Variants in DGKB observed in about 807,000 individuals in gnomAD.
The protein encoded by DGKB is 90 kDa diacylglycerol kinase.
A neutral mutation model predicts 114.3 loss-of-function variants in DGKB; 67 were observed. The observed-to-expected ratio is 0.59, with a 90% confidence interval of 0.48 to 0.72. The LOEUF (loss-of-function observed/expected upper bound fraction) is 0.72. Ranked by LOEUF, DGKB falls within the 30% of genes least tolerant of loss-of-function variation. The probability of loss-of-function intolerance (pLI) is 0.00; values close to 1 mark genes in which losing one functional copy is unlikely to be tolerated. For synonymous variants in DGKB, 398 were observed against 323.1 expected (o/e 1.23, Z -2.49); for missense variants, 907 against 975.2 (o/e 0.93, Z 0.93).
chr7:14,233,777 G>A lies in DGKB; in HGVS notation c.2123-55626C>T, dbSNP rs181325553. On this transcript the variant is annotated intron_variant, in intron 23 of 25. Transcript: ENST00000402815. The stretch of plus-strand genomic sequence containing the variant: ...GAAACCAGAGTCCAGGGAGTGTGTG[G>A]GGGGTGCAACCACAGGTCGAAGAAG... Among the ~76,000 whole-genome samples the A allele has an allele frequency of 8.6e-5, 13 of 151,980 alleles. No homozygotes were observed. In the East Asian group the frequency reaches 2.6e-3, roughly 30 times the overall value.
chr7:14,577,725 G>A (rs1489418962), intron 19 of DGKB, among the ~76,000 whole-genome samples: 2 of 152,110 alleles, frequency 1.3e-5, no homozygotes, highest in Non-Finnish European at 2.9e-5. Context: ...ATGATTGCCA[G>A]AAATTTACAA....
chr7:14,556,497 G>A (rs984430938), intron 20 of DGKB, among the ~76,000 whole-genome samples: 3 of 152,054 alleles, frequency 2.0e-5, no homozygotes, highest in African/African-American at 7.2e-5. Flanking sequence ...CATAGTGAGA[G>A]AAGAATTATG....
rs1818765029 is a variant in DGKB, at chr7:14,670,365, C to G, written c.1134+2564G>C. On this transcript the variant is annotated intron_variant, in intron 13 of 25. Coordinates refer to ENST00000402815, the MANE Select transcript of DGKB (RefSeq NM_001350709.2). The stretch of plus-strand genomic sequence containing the variant: ...TCACTCAGTCTGGAGTGCAGTGATG[C>G]AATCTTGGCTCACTGCAACCTCCGC... 2.0e-5 allele frequency among the ~76,000 whole-genome samples: 3 copies of G among 151,584 alleles called. No individual in the cohort carries two copies. The South Asian group carries it at 6.2e-4, about 32-fold the overall frequency.
intron 12 of DGKB, among the ~76,000 whole-genome samples, chr7:14,677,745 A>G (rs1820120409): frequency 6.6e-6 from 1 of 152,058 alleles, no homozygotes; most frequent in Non-Finnish European, 1.5e-5. Flanking sequence ...GTTAGTAATC[A>G]AGACAGAAAA....
chr7:14,486,427 T>C (rs1222098959), intron 20 of DGKB, among the ~76,000 whole-genome samples: 2 of 152,220 alleles, frequency 1.3e-5, no homozygotes, highest in African/African-American at 4.8e-5. Context: ...AGGGACAATG[T>C]GAGGAGCTAG....
At chr7:14,629,764 G>A (rs1809342790) in intron 14 of DGKB, among the ~76,000 whole-genome samples, 1 of 152,038 alleles carries the variant, frequency 6.6e-6, no homozygotes, top group Non-Finnish European at 1.5e-5. Flanking sequence ...CAATGGCATG[G>A]GCTAGGTGAT....
At chr7:14,725,532 T>G (rs997433714) in intron 5 of DGKB, among the ~76,000 whole-genome samples, 1 of 151,948 alleles carries the variant, frequency 6.6e-6, no homozygotes, top group Non-Finnish European at 1.5e-5. Context: ...ATGTATAATA[T>G]CTTTAAAACA....
intron 21 of DGKB, among the ~76,000 whole-genome samples, chr7:14,383,061 C>G (rs1819746474): frequency 6.6e-6 from 1 of 152,162 alleles, no homozygotes; most frequent in African/African-American, 2.4e-5. Flanking sequence ...TTCTCCTTTT[C>G]TTTTGGAGTA....
chr7:14,447,211 G>C (rs1026735453), intron 21 of DGKB, among the ~76,000 whole-genome samples: 4 of 150,784 alleles, frequency 2.7e-5, no homozygotes, highest in African/African-American at 9.7e-5. Flanking sequence ...CCTTGTTTTT[G>C]CCACATGAAA....
At chr7:14,194,384 G>C (rs13236331) in intron 23 of DGKB, among the ~76,000 whole-genome samples, 26,536 of 152,088 alleles carry the variant, frequency 0.17, 2,496 homozygotes, top group Non-Finnish European at 0.2. Flanking sequence ...ATAAAATCCT[G>C]TCATTTGTGA....
At chr7:14,642,885 T>A (rs1812083779) in intron 13 of DGKB, among the ~76,000 whole-genome samples, 2 of 152,220 alleles carry the variant, frequency 1.3e-5, no homozygotes, top group South Asian at 4.1e-4. Context: ...ATAATACTCT[T>A]TGTTTTAAGT....
chr7:14,243,998 A>G (rs1208995733), intron 23 of DGKB, among the ~76,000 whole-genome samples: 4 of 151,986 alleles, frequency 2.6e-5, no homozygotes, highest in African/African-American at 9.7e-5. Context: ...TTTTCCTTCT[A>G]TGAAATACAG....
At chr7:14,459,194 C>T (rs1233707934) in intron 21 of DGKB, among the ~76,000 whole-genome samples, 1 of 152,102 alleles carries the variant, frequency 6.6e-6, no homozygotes, top group Non-Finnish European at 1.5e-5. Flanking sequence ...AGAAAGGCAG[C>T]AGCCCTAGTC....
Position 14,760,383 on chromosome 7 carries a change from T to C in DGKB, c.71-2652A>G, listed in dbSNP as rs927394360. ...ATTGAGATTAAATTAATCAGAGCTA[T>C]TCCTAAATGGCAAAAAATTACAATA... On this transcript the variant is annotated intron_variant, in intron 2 of 25. Transcript: ENST00000402815. Among the ~76,000 whole-genome samples, 9 of 152,122 alleles carry C rather than the reference T, an allele frequency of 5.9e-5. No homozygotes were observed. The South Asian group carries it at 1.2e-3, about 21-fold the overall frequency.
intron 12 of DGKB, 121 bp from the exon 13 acceptor site, chr7:14,673,148 A>T: frequency 6.6e-6 from 4 of 603,966 alleles, no homozygotes; most frequent in Non-Finnish European, 1.2e-5. Context: ...AATTATAAGA[A>T]CAAATAAACA....
At chr7:14,291,797 T>C (rs17168050) in intron 23 of DGKB, among the ~76,000 whole-genome samples, 10,197 of 152,186 alleles carry the variant, frequency 0.067, 1,118 homozygotes, top group African/African-American at 0.23. Flanking sequence ...ATGAGTGAGA[T>C]ATCATGAACC....
chr7:14,779,380 T>A (rs1838730344), intron 2 of DGKB, among the ~76,000 whole-genome samples: 1 of 151,774 alleles, frequency 6.6e-6, no homozygotes. Flanking sequence ...TATAAAAAAA[T>A]ACAAAAATTA....
chr7:14,652,607 A>G (rs1814801845), intron 13 of DGKB, among the ~76,000 whole-genome samples: 2 of 150,714 alleles, frequency 1.3e-5, no homozygotes, highest in African/African-American at 4.9e-5. Flanking sequence ...CTTCCTGTCT[A>G]AAACACCAAA....
At chr7:14,307,607 T>G (rs1171189355) in intron 23 of DGKB, among the ~76,000 whole-genome samples, 2 of 152,186 alleles carry the variant, frequency 1.3e-5, no homozygotes, top group East Asian at 3.8e-4. Flanking sequence ...CATATTGTAT[T>G]GAATGTCAAT....
Sources: allele counts gnomAD v4.1 joint callset (sites outside exome capture counted in the v4.1 genomes callset), GRCh38; gene constraint gnomAD v4.1.1; transcripts MANE v1.5; gene names NCBI Gene and HGNC (gene_info 2026-07-23, HGNC 2026-07-21).